SAMMSON: variants seen among roughly 807,000 people sequenced by gnomAD.
SAMMSON encodes survival associated mitochondrial melanoma specific oncogenic non-coding RNA.
chr3:70,134,603 A>C (rs981725750), intron 4 of SAMMSON, among the ~76,000 whole-genome samples: 8 of 152,174 alleles, frequency 5.3e-5, no homozygotes, highest in African/African-American at 1.9e-4. Flanking sequence ...CTTAAGACAC[A>C]ACTAAGGTAT....
At chr3:70,408,931 A>T (rs1288754883) in intron 2 of SAMMSON, among the ~76,000 whole-genome samples, 1 of 152,176 alleles carries the variant, frequency 6.6e-6, no homozygotes, top group Non-Finnish European at 1.5e-5. Context: ...CCTCAGAATC[A>T]TAGCAGGAGG....
intron 4 of SAMMSON, among the ~76,000 whole-genome samples, chr3:70,131,407 T>C (rs1476296855): frequency 6.6e-6 from 1 of 152,204 alleles, no homozygotes; most frequent in African/African-American, 2.4e-5. Flanking sequence ...CCCTGCTATC[T>C]CATTGTAAGC....
intron 7 of SAMMSON, among the ~76,000 whole-genome samples, chr3:70,325,860 T>G (rs1408192412): frequency 1.3e-5 from 2 of 152,144 alleles, no homozygotes; most frequent in African/African-American, 4.8e-5. Context: ...CCACCCAGCA[T>G]AGCCTGGATA....
chr3:70,384,739 T>C (rs1378850968), intron 9 of SAMMSON, among the ~76,000 whole-genome samples: 2 of 152,068 alleles, frequency 1.3e-5, no homozygotes, highest in African/African-American at 4.8e-5. Flanking sequence ...TACTAGAAAT[T>C]ACCTTCTCAC....
In SAMMSON at chr3:70,149,394, T is replaced by A. The variant is rs993295950; in HGVS notation, n.507+77829T>A. 7.0e-4 allele frequency among the ~76,000 whole-genome samples: 106 copies of A among 152,162 alleles called. 1 individual carries two copies. The highest frequency in any genetic ancestry group is 4.1e-4 in the South Asian group (2 of 4,824). ...AGTAGTGGCTTAGAACAGTCCCTAA[T>A]CATGTGTTTGAGCCTGTGGTTCTTA... is the stretch of plus-strand genomic sequence containing the variant. On this transcript the variant is annotated intron_variant and non_coding_transcript_variant, in intron 4 of 9. Transcript: ENST00000642114.
intron 4 of SAMMSON, among the ~76,000 whole-genome samples, chr3:70,116,294 T>TTTTC (rs2067410876): frequency 6.8e-6 from 1 of 146,470 alleles, no homozygotes; most frequent in East Asian, 1.9e-4. Flanking sequence ...GATGCTTTCT[T>TTTTC]TTTTTTTTTT....
At chr3:70,407,923 G>A (rs1222086449) in intron 2 of SAMMSON, among the ~76,000 whole-genome samples, 2 of 152,222 alleles carry the variant, frequency 1.3e-5, no homozygotes, top group African/African-American at 2.4e-5. Flanking sequence ...TTCTGCCTGG[G>A]CATCTAAGCA....
intron 4 of SAMMSON, among the ~76,000 whole-genome samples, chr3:70,190,400 G>A (rs971446901): frequency 3.9e-5 from 6 of 152,058 alleles, no homozygotes; most frequent in African/African-American, 1.5e-4. Flanking sequence ...GTAATCTCCT[G>A]CTATTCTTCA....
chr3:70,088,887 A>C (rs1413465068), intron 4 of SAMMSON, among the ~76,000 whole-genome samples: 1 of 152,150 alleles, frequency 6.6e-6, no homozygotes, highest in Non-Finnish European at 1.5e-5. Flanking sequence ...GATCAGAGTT[A>C]TGTTGATAAC....
At chr3:70,226,825 T>C (rs985795208) in intron 4 of SAMMSON, among the ~76,000 whole-genome samples, 7 of 151,056 alleles carry the variant, frequency 4.6e-5, no homozygotes, top group African/African-American at 1.7e-4. Context: ...TTGTAGAATA[T>C]GGAAGTGTAA....
intron 9 of SAMMSON, among the ~76,000 whole-genome samples, chr3:70,379,327 G>T (rs1174607022): frequency 1.3e-5 from 2 of 152,138 alleles, no homozygotes; most frequent in South Asian, 4.1e-4. Context: ...CAAATTAGTA[G>T]GTATCCTGCA....
At chr3:70,230,226 G>A (rs753398402) in intron 4 of SAMMSON, among the ~76,000 whole-genome samples, 2 of 152,116 alleles carry the variant, frequency 1.3e-5, no homozygotes, top group African/African-American at 4.8e-5. Flanking sequence ...ATTTACATTG[G>A]ACAGTGAATG....
intron 4 of SAMMSON, among the ~76,000 whole-genome samples, chr3:70,186,300 C>T (rs1032412113): frequency 6.7e-6 from 1 of 149,802 alleles, no homozygotes; most frequent in Middle Eastern, 3.5e-3. Context: ...GCTCTGTTAC[C>T]TGGGCTCTAG....
chr3:70,079,587 A>G (rs533917237), intron 4 of SAMMSON, among the ~76,000 whole-genome samples: 27 of 152,208 alleles, frequency 1.8e-4, no homozygotes, highest in South Asian at 4.1e-4. Flanking sequence ...ACTTTTCTAT[A>G]AAATAGGCTT....
intron 3 of SAMMSON, among the ~76,000 whole-genome samples, chr3:70,039,491 T>A (rs2067098345): frequency 6.6e-6 from 1 of 151,920 alleles, no homozygotes; most frequent in South Asian, 2.1e-4. Context: ...ATCTGCACCA[T>A]GAGCTCTCCT....
intron 4 of SAMMSON, among the ~76,000 whole-genome samples, chr3:70,195,216 T>G (rs1047100686): frequency 6.6e-6 from 1 of 152,006 alleles, no homozygotes; most frequent in African/African-American, 2.4e-5. Context: ...AGGAATCTAT[T>G]TTTTTTTCTT....
chr3:70,059,506 A>G (rs1264207778), intron 3 of SAMMSON, among the ~76,000 whole-genome samples: 1 of 152,120 alleles, frequency 6.6e-6, no homozygotes, highest in African/African-American at 2.4e-5. Context: ...GTAAGTCCCA[A>G]TCTGAGTTCA....
At chr3:70,386,115 A>C (rs1366802262) in intron 9 of SAMMSON, among the ~76,000 whole-genome samples, 1 of 152,128 alleles carries the variant, frequency 6.6e-6, no homozygotes, top group Non-Finnish European at 1.5e-5. Flanking sequence ...TACTGTTGGC[A>C]AGAGCGTTTT....
At chr3:70,260,069 T>C (rs1278124932) in intron 6 of SAMMSON, among the ~76,000 whole-genome samples, 1 of 152,174 alleles carries the variant, frequency 6.6e-6, no homozygotes, top group Non-Finnish European at 1.5e-5. Flanking sequence ...CAAGATGAGA[T>C]TTGGGTGGGG....
Sources: gnomAD v4.1 joint callset for allele counts (sites outside exome capture counted in the v4.1 genomes callset) on GRCh38, gnomAD v4.1.1 for gene constraint, MANE v1.5 for transcripts, NCBI Gene and HGNC (gene_info 2026-07-23, HGNC 2026-07-21) for gene names.